The following ADAMTS17 variants were observed in gnomAD, a reference collection of about 807,000 sequenced individuals.
ADAMTS17 encodes the protein ADAM metallopeptidase with thrombospondin type 1 motif 17.
A neutral mutation model predicts 141.5 loss-of-function variants in ADAMTS17; 113 were observed. The ratio of observed to expected loss-of-function variants is 0.80; its 90% CI spans 0.69 to 0.93. The LOEUF (loss-of-function observed/expected upper bound fraction) is 0.93. ADAMTS17 is among the 40% of genes least tolerant of loss of function. The pLI, the probability that ADAMTS17 is intolerant of heterozygous loss-of-function variation, is 0.00. For missense variants in ADAMTS17, 1,659 were observed against 1,517.9 expected (o/e 1.09, Z -1.54); for synonymous variants, 768 against 630.6 (o/e 1.22, Z -3.27).
rs762416340 is a variant in ADAMTS17 at position 99,993,095 on chromosome 15, C to T, written c.2902G>A (p.Glu968Lys). The T allele has an allele frequency of 2.5e-6, 4 of 1,614,168 alleles. No individual in the cohort carries two copies. Among genetic ancestry groups the T allele is most frequent in the Admixed American group, 1.7e-5 (1 of 60,030 alleles). Reference protein sequence around the residue: ...STRPRAEEACEDYSGCYEWKT... With the variant: ...STRPRAEEACKDYSGCYEWKT... ...CACTCGTAGCAGCCTGAGTAGTCCT[C>T]GCAGGCCTCCTCGGCTCTCGGCCTC... Residue 968 changes from glutamate (E) to lysine (K), a missense_variant, in exon 20 of 22, where the codon GAG (glutamate) becomes AAG (lysine). Coordinates refer to ENST00000268070, the MANE Select transcript of ADAMTS17 (RefSeq NM_139057.4). The surrounding 1 kb of genome is among the most constrained non-coding windows in gnomAD (Gnocchi z 4.3).
chr15:100,129,743 C>CAA (rs34727892), intron 12 of ADAMTS17: 63 of 144,734 alleles, frequency 4.4e-4, no homozygotes, highest in Non-Finnish European at 4.8e-4. Context: ...AACTCCGTCT[C>CAA]AAAAAAAAAA....
At chr15:100,120,771 C>T (rs539435318) in intron 12 of ADAMTS17, among the ~76,000 whole-genome samples, 7 of 152,228 alleles carry the variant, frequency 4.6e-5, no homozygotes, top group African/African-American at 7.2e-5. Flanking sequence ...TCTAGAGTTA[C>T]TGCATTCTAA....
chr15:100,105,000 G>A (rs897736765), intron 14 of ADAMTS17, among the ~76,000 whole-genome samples: 1 of 152,224 alleles, frequency 6.6e-6, no homozygotes, highest in African/African-American at 2.4e-5. Context: ...AGAGTGGGCT[G>A]AGGTTAACCT....
At chr15:100,059,412 CAG>C (rs2032934301) in intron 15 of ADAMTS17, among the ~76,000 whole-genome samples, 1 of 152,156 alleles carries the variant, frequency 6.6e-6, no homozygotes, top group African/African-American at 2.4e-5. Flanking sequence ...GAGGAAAACA[CAG>C]GCAGAGTTAT....
chr15:100,102,249 C>T (rs1487203371), intron 14 of ADAMTS17, among the ~76,000 whole-genome samples: 1 of 152,040 alleles, frequency 6.6e-6, no homozygotes, highest in Non-Finnish European at 1.5e-5. Context: ...GTTGCCCACT[C>T]GTATTTGAGA....
intron 10 of ADAMTS17, among the ~76,000 whole-genome samples, chr15:100,142,977 G>C (rs772813411): frequency 3.3e-5 from 5 of 152,212 alleles, no homozygotes; most frequent in Non-Finnish European, 5.9e-5. Context: ...AACAAGAAGA[G>C]TGTACATCCC....
intron 19 of ADAMTS17, among the ~76,000 whole-genome samples, chr15:99,996,996 G>A (rs774745493): frequency 6.6e-6 from 1 of 152,084 alleles, no homozygotes; most frequent in African/African-American, 2.4e-5. Context: ...TCTGACTCTC[G>A]TAATCTACAA....
chr15:100,325,915 C>G (rs996691699), intron 3 of ADAMTS17, among the ~76,000 whole-genome samples: 2 of 152,214 alleles, frequency 1.3e-5, no homozygotes, highest in South Asian at 4.1e-4. Flanking sequence ...CTCATAGCCT[C>G]AGAAGGAACC....
At chr15:100,146,263 A>C (rs1166289847) in intron 10 of ADAMTS17, among the ~76,000 whole-genome samples, 1 of 152,230 alleles carries the variant, frequency 6.6e-6, no homozygotes, top group African/African-American at 2.4e-5. Context: ...AGGGACCCCA[A>C]ATGGAGGGAC....
At chr15:100,195,201 G>C (rs909593219) in intron 8 of ADAMTS17, among the ~76,000 whole-genome samples, 6 of 152,204 alleles carry the variant, frequency 3.9e-5, no homozygotes, top group African/African-American at 1.4e-4. Flanking sequence ...CTGCCTCCAG[G>C]CAGCAGCAAG....
chr15:100,270,984 G>T (rs146645637), intron 4 of ADAMTS17, among the ~76,000 whole-genome samples: 27 of 151,836 alleles, frequency 1.8e-4, no homozygotes, highest in African/African-American at 6.3e-4. Flanking sequence ...CCCTACGTAA[G>T]TGGAATCACA....
At chr15:100,044,309 GC>G (rs748555239) in intron 18 of ADAMTS17, among the ~76,000 whole-genome samples, 1 of 152,142 alleles carries the variant, frequency 6.6e-6, no homozygotes. Flanking sequence ...ATGCTAGAAT[GC>G]TTGATACTAT....
At chr15:100,236,343 C>G (rs2042655104) in intron 7 of ADAMTS17, among the ~76,000 whole-genome samples, 2 of 150,896 alleles carry the variant, frequency 1.3e-5, no homozygotes, top group Non-Finnish European at 2.9e-5. Flanking sequence ...GGCAGGGCTT[C>G]TCAGAGTGTG....
At chr15:100,034,554 C>T (rs1567698485) in intron 18 of ADAMTS17, among the ~76,000 whole-genome samples, 1 of 152,238 alleles carries the variant, frequency 6.6e-6, no homozygotes, top group Non-Finnish European at 1.5e-5. Context: ...CACTGCTGGG[C>T]TTGGGAAGAA....
intron 4 of ADAMTS17, among the ~76,000 whole-genome samples, chr15:100,270,365 T>C (rs1023581485): frequency 1.3e-5 from 2 of 152,194 alleles, no homozygotes; most frequent in African/African-American, 4.8e-5. Flanking sequence ...TTCAGCAGCC[T>C]ACCTCAGGGG....
rs1038775149 is a variant in ADAMTS17 at position 99,974,411 on chromosome 15, C to G, written c.3279G>C (p.Pro1093=). The G allele has an allele frequency of 1.2e-6, 2 of 1,614,020 alleles. No homozygotes were observed. The highest frequency in any genetic ancestry group is 1.7e-6 in the Non-Finnish European group (2 of 1,180,042). The change falls in exon 22 of 22, where the codon CCG becomes CCC. Residue 1093 remains proline (P), a synonymous_variant. Transcript: ENST00000268070. ...FYANKMRQPP[P]NS ...CCCTTGGGACTGCGTGTCACGAGTT[C>G]GGCGGTGGCTGGCGCATCTTGTTTG...
intron 7 of ADAMTS17, among the ~76,000 whole-genome samples, chr15:100,208,873 T>C (rs2041682220): frequency 6.6e-6 from 1 of 152,098 alleles, no homozygotes; most frequent in African/African-American, 2.4e-5. Flanking sequence ...TATAGTGATG[T>C]GTATTAGTCA....
intron 20 of ADAMTS17, among the ~76,000 whole-genome samples, chr15:99,988,933 GCTC>G (rs1193559840): frequency 3.9e-5 from 6 of 152,184 alleles, no homozygotes; most frequent in Non-Finnish European, 5.9e-5. Context: ...TTGTTTTGCA[GCTC>G]CTTGTACCAG....
At chr15:100,052,713 C>A (rs1419181177) in intron 16 of ADAMTS17, among the ~76,000 whole-genome samples, 3 of 152,210 alleles carry the variant, frequency 2.0e-5, no homozygotes, top group African/African-American at 7.2e-5. Flanking sequence ...CTGACTGTGA[C>A]TAGGGAACAA....
Sources: gnomAD v4.1 joint callset for allele counts (sites outside exome capture counted in the v4.1 genomes callset) on GRCh38, gnomAD v4.1.1 for gene constraint, Gnocchi (gnomAD v3.1) non-coding constraint, MANE v1.5 for transcripts, NCBI Gene and HGNC (gene_info 2026-07-23, HGNC 2026-07-21) for gene names.